The following GNA12 variants were observed in gnomAD, a reference collection of about 807,000 sequenced individuals.
GNA12 encodes G protein subunit alpha 12.
GNA12 carries 9 observed loss-of-function variants against 26.0 expected under a neutral mutation model. The observed-to-expected ratio is 0.35, with a 90% CI of 0.21 to 0.60. The LOEUF is 0.60. Among genes scored for constraint, GNA12 ranks in the 20% least tolerant of loss-of-function variants. GNA12 has a pLI of 0.78. For synonymous variants in GNA12, 264 were observed against 219.6 expected (o/e 1.20, Z -1.79); for missense variants, 405 against 525.8 (o/e 0.77, Z 2.25).
chr7:2,752,798 T>C (rs1791101985), intron 2 of GNA12, among the ~76,000 whole-genome samples: 1 of 152,354 alleles, frequency 6.6e-6, no homozygotes, highest in African/African-American at 2.4e-5. Flanking sequence ...TAGAGAGGTA[T>C]AGGTGGACCT....
chr7:2,774,572 G>C (rs1036813621), intron 2 of GNA12, among the ~76,000 whole-genome samples: 1 of 152,194 alleles, frequency 6.6e-6, no homozygotes, highest in African/African-American at 2.4e-5. Flanking sequence ...AGATGGGCTT[G>C]CCGAGGCAAA....
chr7:2,729,975 C>G lies in GNA12; in HGVS notation c.*1206G>C, dbSNP rs1382311022. ...ACAGCGGCATCCGAGAGTGTTTACT[C>G]TTCTGCAAGCACAGTCATAGAAGCG... On this transcript the variant is annotated 3_prime_UTR_variant, in exon 4 of 4. Transcript: ENST00000275364. 1 of 152,380 alleles carries G rather than the reference C, an allele frequency of 6.6e-6. No homozygotes were observed. Among genetic ancestry groups the G allele is most frequent in the Admixed American group, 6.5e-5 (1 of 15,282 alleles). The allele number at this position is 152,380 out of a possible 1,614,324, so 9.4% of individuals were successfully genotyped here. A position where few individuals can be genotyped will look rare whatever the true frequency, so the allele number is the denominator to read the frequency against.
chr7:2,789,669 C>T (rs1226821339), intron 2 of GNA12, among the ~76,000 whole-genome samples: 1 of 152,178 alleles, frequency 6.6e-6, no homozygotes, highest in Non-Finnish European at 1.5e-5. Flanking sequence ...TAGGCGGCCC[C>T]TACTTCTCCA....
intron 1 of GNA12, among the ~76,000 whole-genome samples, chr7:2,810,850 A>G (rs1305229792): frequency 6.6e-6 from 1 of 152,166 alleles, no homozygotes; most frequent in Non-Finnish European, 1.5e-5. Flanking sequence ...GTGAGCCATG[A>G]TTACGCCATT....
At chr7:2,762,687 C>A in intron 2 of GNA12, 1 of 1,583,156 alleles carries the variant, frequency 6.3e-7, no homozygotes, top group South Asian at 1.2e-5. Flanking sequence ...AAAGAAACCA[C>A]GCTGCCCGGG....
chr7:2,781,076 T>C (rs866317543), intron 2 of GNA12, among the ~76,000 whole-genome samples: 2 of 152,248 alleles, frequency 1.3e-5, no homozygotes, highest in African/African-American at 4.8e-5. Flanking sequence ...CATCTCCTCT[T>C]CTCAGAAGTG....
intron 2 of GNA12, among the ~76,000 whole-genome samples, chr7:2,782,057 G>C (rs79015564): frequency 0.019 from 2,893 of 152,322 alleles, 54 homozygotes; most frequent in Middle Eastern, 0.075. Context: ...AATGGGGAAA[G>C]AGGAGACATT....
chr7:2,793,357 G>A (rs1197886196), intron 2 of GNA12, among the ~76,000 whole-genome samples: 3 of 146,456 alleles, frequency 2.0e-5, no homozygotes, highest in Admixed American at 1.3e-4. Flanking sequence ...GGACAGGAGC[G>A]CAAGAGGAAA....
Position 2,731,338 on chromosome 7 carries a change from T to C in GNA12, c.989A>G (p.Tyr330Cys). The C allele has an allele frequency of 6.2e-7, 1 of 1,613,994 alleles. No individual in the cohort carries two copies. The highest frequency in any genetic ancestry group is 1.1e-5 in the South Asian group (1 of 91,052). Residue 330 changes from tyrosine (Y) to cysteine (C), a missense_variant, in exon 4 of 4, where the codon TAC becomes TGC. Physicochemically the swap from Tyr to Cys is radical, Grantham distance 194. Coordinates refer to ENST00000275364, the MANE Select transcript of GNA12 (RefSeq NM_007353.3). This position sits in a 1 kb window ranked among gnomAD's most constrained non-coding sequence, Gnocchi z 6.0. Reference sequence around the variant, plus strand: ...CTTCCTGTCGAAGCACTGGACCAGGTAGCGCTGGACGTCCTCCAGCCTGTG... The same window carrying C: ...CTTCCTGTCGAAGCACTGGACCAGGCAGCGCTGGACGTCCTCCAGCCTGTG... ...DPHRLEDVQR[Y>C]LVQCFDRKRR...
intron 2 of GNA12, among the ~76,000 whole-genome samples, chr7:2,752,182 T>C (rs184775312): frequency 4.4e-4 from 66 of 151,462 alleles, no homozygotes; most frequent in Non-Finnish European, 7.2e-4. Context: ...AAGAAAAAAA[T>C]ACGAATGTTT....
chr7:2,784,796 A>G (rs1041690018), intron 2 of GNA12, among the ~76,000 whole-genome samples: 2 of 152,150 alleles, frequency 1.3e-5, no homozygotes, highest in East Asian at 1.9e-4. Flanking sequence ...ATAGGTTGCA[A>G]TTTTCCCCAA....
At chr7:2,775,506 G>A (rs2283779) in intron 2 of GNA12, 57,044 of 151,866 alleles carry the variant, frequency 0.38, 11,183 homozygotes, top group Admixed American at 0.45. Flanking sequence ...GAGGAACGTC[G>A]TGCCCAGTGT....
intron 2 of GNA12, chr7:2,763,225 CA>C: frequency 2.4e-6 from 1 of 424,118 alleles, no homozygotes; most frequent in Non-Finnish European, 3.4e-6. Flanking sequence ...CACACACACA[CA>C]CACACGGTCT....
chr7:2,787,081 A>C (rs140575894), intron 2 of GNA12, among the ~76,000 whole-genome samples: 381 of 152,090 alleles, frequency 2.5e-3, no homozygotes, highest in Non-Finnish European at 4.5e-3. Flanking sequence ...CTCCCCAGTA[A>C]GCACCCCAAA....
At chr7:2,819,907 C>T (rs138032640) in intron 1 of GNA12, among the ~76,000 whole-genome samples, 1 of 152,296 alleles carries the variant, frequency 6.6e-6, no homozygotes, top group East Asian at 1.9e-4. Context: ...AACATGTTCA[C>T]ACCAAAACCC....
At chr7:2,814,346 A>C (rs1793163115) in intron 1 of GNA12, 2 of 1,605,036 alleles carry the variant, frequency 1.2e-6, no homozygotes, top group African/African-American at 1.3e-5. Context: ...TAGGTGCTCA[A>C]AACGGCAGCA....
chr7:2,773,521 C>G (rs1792000433), intron 2 of GNA12, among the ~76,000 whole-genome samples: 1 of 152,166 alleles, frequency 6.6e-6, no homozygotes, highest in South Asian at 2.1e-4. Context: ...AAAATCACAC[C>G]ACTGCACTCC....
Position 2,731,070 on chromosome 7 carries a change from G to A in GNA12, c.*111C>T. 1 of 692,502 alleles carries A rather than the reference G, an allele frequency of 1.4e-6. No individual in the cohort carries two copies. Among genetic ancestry groups the A allele is most frequent in the Non-Finnish European group, 2.4e-6 (1 of 412,358 alleles). 42.9% of individuals were successfully genotyped at this position (692,502 alleles called of 1,614,324 possible). A position where few individuals can be genotyped will look rare whatever the true frequency, so the allele number is the denominator to read the frequency against. On this transcript the variant is annotated 3_prime_UTR_variant, in exon 4 of 4. Transcript: ENST00000275364. The surrounding 1 kb of genome is among the most constrained non-coding windows in gnomAD (Gnocchi z 6.0). ...AGCATTCCTGAGCCAGGTATTCCAG[G>A]GCACGGATCCGAGAAACCCACTCAA... is the stretch of plus-strand genomic sequence containing the variant.
chr7:2,782,684 T>C (rs1792259772), intron 2 of GNA12, among the ~76,000 whole-genome samples: 1 of 152,046 alleles, frequency 6.6e-6, no homozygotes, highest in South Asian at 2.1e-4. Context: ...TTGCTTGGGA[T>C]TCACTGGGTT....
Sources: allele counts gnomAD v4.1 joint callset (sites outside exome capture counted in the v4.1 genomes callset), GRCh38; gene constraint gnomAD v4.1.1; non-coding constraint Gnocchi (gnomAD v3.1); transcripts MANE v1.5; gene names NCBI Gene and HGNC (gene_info 2026-07-23, HGNC 2026-07-21).